FOXK2: variants seen among roughly 807,000 people sequenced by gnomAD.
FOXK2 encodes forkhead box protein K2.
FOXK2 carries 24 observed loss-of-function variants against 53.3 expected under a neutral mutation model. The ratio of observed to expected loss-of-function variants is 0.45; its 90% confidence interval spans 0.33 to 0.63. The LOEUF is 0.63. FOXK2 is among the 30% of genes least tolerant of loss of function. The pLI is 0.03. For synonymous variants in FOXK2, 505 were observed against 407.1 expected, an observed-to-expected ratio of 1.24 and a Z score of -2.89; for missense variants, 952 against 910.5, an observed-to-expected ratio of 1.05 and a Z score of -0.59.
In FOXK2 at chr17:82,586,136, G is replaced by T; in HGVS notation, c.1512G>T (p.Pro504=). The T allele has an allele frequency of 6.2e-7, 1 of 1,612,480 alleles. No homozygotes were observed. The highest frequency in any genetic ancestry group is 1.7e-4 in the Middle Eastern group (1 of 6,060). The part of the protein sequence containing the change: ...YTVSGQAVVT[P]AAVLAPPKAE... ...TCTCTGGACAAGCTGTGGTCACCCCGGCAGCCGTGCTGGCCCCTCCTAAGG... is the reference window on the plus strand; with the variant it reads ...TCTCTGGACAAGCTGTGGTCACCCCTGCAGCCGTGCTGGCCCCTCCTAAGG... The change falls in exon 7 of 9, where the codon CCG becomes CCT. Residue 504 remains proline, a synonymous_variant. Coordinates refer to ENST00000335255, the MANE Select transcript of FOXK2 (RefSeq NM_004514.4).
intron 1 of FOXK2, among the ~76,000 whole-genome samples, chr17:82,525,317 C>T (rs930316597): frequency 7.2e-5 from 11 of 152,116 alleles, no homozygotes; most frequent in African/African-American, 2.7e-4. Flanking sequence ...GCTGGGACTA[C>T]AGGTACGTGC....
chr17:82,570,034 A>G (rs1042839027), intron 3 of FOXK2, among the ~76,000 whole-genome samples: 3 of 152,070 alleles, frequency 2.0e-5, no homozygotes, highest in Admixed American at 6.5e-5. Context: ...CATCCTGGCT[A>G]ACACGGTGAA....
chr17:82,540,482 C>A (rs1196279400), intron 1 of FOXK2, among the ~76,000 whole-genome samples: 1 of 152,098 alleles, frequency 6.6e-6, no homozygotes, highest in Non-Finnish European at 1.5e-5. Flanking sequence ...GTCTATACCC[C>A]CTTTCCCCTG....
chr17:82,601,897 C>G lies in FOXK2; in HGVS notation c.*398C>G, dbSNP rs763103127. Reference sequence around the variant, plus strand: ...CGCCCTCACAGGACCCACCAGGCAGCGGAGACATGTGGAATTAGAGTATTT... The same window carrying G: ...CGCCCTCACAGGACCCACCAGGCAGGGGAGACATGTGGAATTAGAGTATTT... On this transcript the variant is annotated 3_prime_UTR_variant, in exon 9 of 9. Coordinates refer to ENST00000335255, the MANE Select transcript of FOXK2 (RefSeq NM_004514.4). The G allele has an allele frequency of 5.7e-6, 1 of 176,732 alleles. No individual in the cohort carries two copies. The highest frequency in any genetic ancestry group is 1.2e-5 in the Non-Finnish European group (1 of 82,766). 10.9% of individuals were successfully genotyped at this position (176,732 alleles called of 1,614,324 possible). A position where few individuals can be genotyped will look rare whatever the true frequency, so the allele number is the denominator to read the frequency against.
Position 82,525,366 on chromosome 17 carries a change from G to T in FOXK2, c.419+5059G>T, listed in dbSNP as rs142038636. On this transcript the variant is annotated intron_variant, in intron 1 of 8. Coordinates refer to ENST00000335255, the MANE Select transcript of FOXK2 (RefSeq NM_004514.4). ...TAACTTTTTTTGCATTTTTAGTAGA[G>T]ACGGGGTTTCACCATGTTGGTCAGG... Among the ~76,000 whole-genome samples, 904 of 152,166 alleles carry T rather than the reference G, an allele frequency of 5.9e-3. 7 individuals are homozygous for T. The highest frequency in any genetic ancestry group is 0.011 in the Non-Finnish European group (723 of 68,010).
chr17:82,540,778 A>G (rs770150561), intron 1 of FOXK2, among the ~76,000 whole-genome samples: 1 of 151,998 alleles, frequency 6.6e-6, no homozygotes, highest in Admixed American at 6.6e-5. Flanking sequence ...TGAATTCTCT[A>G]ATTGTTTTAT....
At chr17:82,523,045 G>A (rs1465227878) in intron 1 of FOXK2, among the ~76,000 whole-genome samples, 1 of 152,146 alleles carries the variant, frequency 6.6e-6, no homozygotes, top group African/African-American at 2.4e-5. Context: ...CACCCGCCTT[G>A]GCCTCCCAAA....
At chr17:82,586,654 C>A (rs1009564833) in intron 7 of FOXK2, among the ~76,000 whole-genome samples, 3 of 151,978 alleles carry the variant, frequency 2.0e-5, no homozygotes. Context: ...GTAATCCCAG[C>A]ACTATGGGGG....
chr17:82,535,748 G>GTT (rs138654812), intron 1 of FOXK2, among the ~76,000 whole-genome samples: 1,547 of 140,062 alleles, frequency 0.011, 42 homozygotes, highest in African/African-American at 0.034. Flanking sequence ...GTGTGTTTTT[G>GTT]TTTTTGTTTT....
At chr17:82,575,849 C>T (rs984841772) in intron 4 of FOXK2, among the ~76,000 whole-genome samples, 1 of 152,234 alleles carries the variant, frequency 6.6e-6, no homozygotes, top group Non-Finnish European at 1.5e-5. Context: ...TGCAGATGCG[C>T]AAAGATTCAC....
intron 1 of FOXK2, among the ~76,000 whole-genome samples, chr17:82,542,148 A>AT (rs1051849649): frequency 5.2e-5 from 7 of 133,646 alleles, no homozygotes; most frequent in East Asian, 2.2e-4. Context: ...CCCTCCACAA[A>AT]TTTTTTTTTT....
At chr17:82,522,586 T>G (rs2044374472) in intron 1 of FOXK2, among the ~76,000 whole-genome samples, 1 of 151,752 alleles carries the variant, frequency 6.6e-6, no homozygotes, top group African/African-American at 2.4e-5. Flanking sequence ...CTAGCCAGGA[T>G]GGTCTCGATC....
intron 1 of FOXK2, among the ~76,000 whole-genome samples, chr17:82,561,171 A>C (rs2044789048): frequency 6.6e-6 from 1 of 152,092 alleles, no homozygotes; most frequent in African/African-American, 2.4e-5. Flanking sequence ...TGAAGGCCAG[A>C]GCTGATGGCA....
chr17:82,547,235 TATTGTGGTTCTCC>T (rs755529752), intron 1 of FOXK2, among the ~76,000 whole-genome samples: 58 of 152,178 alleles, frequency 3.8e-4, no homozygotes, highest in African/African-American at 1.3e-3. Flanking sequence ...CACATTGTAG[TATTGTGGTTCTCC>T]ATTGTGGTTC....
intron 3 of FOXK2, 37 bp from the exon 4 acceptor site, chr17:82,571,687 C>A: frequency 6.9e-7 from 1 of 1,459,220 alleles, no homozygotes; most frequent in South Asian, 1.5e-5. Context: ...AATATGGTAA[C>A]TTCAATATTC....
In FOXK2 at chr17:82,586,086, C is replaced by T. The variant is rs2045138604; in HGVS notation, c.1462C>T (p.Leu488=). 1 of 1,612,784 alleles carries T rather than the reference C, an allele frequency of 6.2e-7. No homozygotes were observed. The highest frequency in any genetic ancestry group is 8.5e-7 in the Non-Finnish European group (1 of 1,179,968). The stretch of plus-strand genomic sequence containing the variant: ...GGTGTCGGTCACCAGTGTGGCCGGA[C>T]TGGCCCCAGCGAACACGTACACTGT... ...PAVSVTSVAG[L]APANTYTVSG... Residue 488 remains leucine, a synonymous_variant, in exon 7 of 9, where the codon CTG becomes TTG. Transcript: ENST00000335255.
intron 1 of FOXK2, among the ~76,000 whole-genome samples, chr17:82,539,007 T>C (rs1311023159): frequency 6.6e-6 from 1 of 152,146 alleles, no homozygotes; most frequent in Non-Finnish European, 1.5e-5. Context: ...GACTGAGAGG[T>C]GATGGGATTT....
intron 4 of FOXK2, among the ~76,000 whole-genome samples, chr17:82,575,814 C>T (rs1452491332): frequency 6.6e-6 from 1 of 152,196 alleles, no homozygotes; most frequent in Admixed American, 6.5e-5. Flanking sequence ...CTGAAACTGA[C>T]CCATGTGAAG....
intron 6 of FOXK2, 104 bp downstream of exon 6, chr17:82,584,292 C>T (rs761625477): frequency 2.5e-6 from 3 of 1,219,782 alleles, no homozygotes; most frequent in Non-Finnish European, 3.3e-6. Context: ...CTGCCTGTCC[C>T]TCTGTACCTT....
Sources: allele counts gnomAD v4.1 joint callset (sites outside exome capture counted in the v4.1 genomes callset), GRCh38; gene constraint gnomAD v4.1.1; transcripts MANE v1.5; gene names NCBI Gene and HGNC (gene_info 2026-07-23, HGNC 2026-07-21).